Variants in AUTS2 observed in about 807,000 individuals in gnomAD.
The protein encoded by AUTS2 is autism susceptibility gene 2 protein.
In AUTS2, 17 loss-of-function variants were observed where a neutral mutation model predicts 112.4. The ratio of observed to expected loss-of-function variants is 0.15; its 90% CI spans 0.10 to 0.23. The LOEUF (loss-of-function observed/expected upper bound fraction) is 0.23, where lower values mean the gene tolerates loss of function less well. Among genes scored for constraint, AUTS2 ranks in the 10% least tolerant of loss-of-function variants. AUTS2 has a pLI of 1.00. For synonymous variants in AUTS2, 751 were observed against 702.7 expected (o/e 1.07, Z -1.09); for missense variants, 1,510 against 1,701.6 (o/e 0.89, Z 1.98).
At chr7:70,386,793 A>G (rs1395157976) in intron 4 of AUTS2, among the ~76,000 whole-genome samples, 1 of 152,114 alleles carries the variant, frequency 6.6e-6, no homozygotes, top group Admixed American at 6.5e-5. Flanking sequence ...CCTCTCTCTC[A>G]TCATTTCACC....
intron 5 of AUTS2, among the ~76,000 whole-genome samples, chr7:70,497,464 A>G (rs1798603567): frequency 1.3e-5 from 2 of 152,200 alleles, no homozygotes; most frequent in African/African-American, 4.8e-5. Context: ...ACGTGTAACC[A>G]TGGTTAGACT....
intron 4 of AUTS2, among the ~76,000 whole-genome samples, chr7:70,203,336 G>A (rs1376907749): frequency 9.3e-5 from 4 of 42,960 alleles, no homozygotes; most frequent in South Asian, 1.7e-3. Context: ...CTAAAACTTA[G>A]AGTATAATAA....
Position 70,790,682 on chromosome 7 carries a change from C to T in AUTS2, c.3466C>T (p.His1156Tyr). ...GGHLDERERL[H>Y]MLREDYEHTR... is the part of the protein sequence containing the mutation. ...CCACCTGGACGAGCGGGAGCGCTTG[C>T]ACATGCTCAGAGAAGACTACGAGCA... The change falls in exon 19 of 19, where the codon CAC (histidine) becomes TAC (tyrosine). Residue 1156 changes from histidine (H) to tyrosine (Y), a missense_variant. Transcript: ENST00000342771. This position sits in a 1 kb window ranked among gnomAD's most constrained non-coding sequence, Gnocchi z 7.6. The T allele has an allele frequency of 6.2e-7, 1 of 1,613,714 alleles. No individual in the cohort carries two copies. Among genetic ancestry groups the T allele is most frequent in the Non-Finnish European group, 8.5e-7 (1 of 1,179,968 alleles).
chr7:70,055,201 G>A (rs1190284985), intron 2 of AUTS2, among the ~76,000 whole-genome samples: 1 of 152,106 alleles, frequency 6.6e-6, no homozygotes, highest in Non-Finnish European at 1.5e-5. Context: ...TTGGGAGGCC[G>A]AGGCGGGTGG....
chr7:70,357,025 T>C (rs1792042344), intron 4 of AUTS2, among the ~76,000 whole-genome samples: 1 of 152,098 alleles, frequency 6.6e-6, no homozygotes, highest in South Asian at 2.1e-4. Context: ...GGAGACACAT[T>C]GTGTGTGGGA....
At chr7:69,928,514 C>CCTGTG (rs1285150495) in intron 2 of AUTS2, among the ~76,000 whole-genome samples, 2 of 152,238 alleles carry the variant, frequency 1.3e-5, no homozygotes, top group Non-Finnish European at 2.9e-5. Context: ...CAGCCTCCCT[C>CCTGTG]CTGTGCTTAC....
chr7:70,576,253 G>A (rs1332099103), intron 5 of AUTS2, among the ~76,000 whole-genome samples: 1 of 152,092 alleles, frequency 6.6e-6, no homozygotes, highest in African/African-American at 2.4e-5. Context: ...AGACCCATCT[G>A]AGTGGCCCAC....
intron 2 of AUTS2, among the ~76,000 whole-genome samples, chr7:70,097,445 A>G (rs947878321): frequency 1.1e-4 from 17 of 152,336 alleles, no homozygotes; most frequent in Admixed American, 4.6e-4. Flanking sequence ...GTGTATGCAT[A>G]TGTATAAAAT....
At chr7:70,555,570 G>A (rs1272720242) in intron 5 of AUTS2, among the ~76,000 whole-genome samples, 1 of 152,192 alleles carries the variant, frequency 6.6e-6, no homozygotes, top group Non-Finnish European at 1.5e-5. Flanking sequence ...CTGAGAGTTT[G>A]CAGAGTGGCC....
intron 1 of AUTS2, among the ~76,000 whole-genome samples, chr7:69,698,628 C>T: frequency 6.6e-6 from 1 of 152,148 alleles, no homozygotes; most frequent in Non-Finnish European, 1.5e-5. Flanking sequence ...TCACAGTGCA[C>T]ACAGCCTTAG....
At chr7:70,469,975 G>A (rs1170912332) in intron 5 of AUTS2, among the ~76,000 whole-genome samples, 1 of 145,796 alleles carries the variant, frequency 6.9e-6, no homozygotes, top group Non-Finnish European at 1.5e-5. Context: ...CTGGAGATAA[G>A]CTTAGCACAG....
At chr7:70,333,082 T>A (rs1790832181) in intron 4 of AUTS2, among the ~76,000 whole-genome samples, 1 of 152,102 alleles carries the variant, frequency 6.6e-6, no homozygotes, top group Non-Finnish European at 1.5e-5. Flanking sequence ...AGAGCTACTA[T>A]CCAGAATCTA....
At chr7:70,370,801 G>C (rs544496219) in intron 4 of AUTS2, among the ~76,000 whole-genome samples, 1 of 151,674 alleles carries the variant, frequency 6.6e-6, no homozygotes, top group South Asian at 2.1e-4. Flanking sequence ...CAGTGTATGA[G>C]TGTTCTAGTT....
chr7:70,773,297 G>T (rs951417099), intron 11 of AUTS2, among the ~76,000 whole-genome samples: 46 of 152,116 alleles, frequency 3.0e-4, no homozygotes, highest in Admixed American at 2.7e-3. Context: ...AGCTGGTGTC[G>T]TGTCCTGAAT....
At chr7:70,775,472 G>A (rs1386292600) in intron 13 of AUTS2, 86 bp downstream of exon 13, 10 of 1,090,492 alleles carry the variant, frequency 9.2e-6, no homozygotes, top group African/African-American at 1.6e-5. Flanking sequence ...AAGGAAATAA[G>A]CCATAGAAAT....
At chr7:70,784,225 A>G (rs1791279932) in intron 15 of AUTS2, 1 of 152,162 alleles carries the variant, frequency 6.6e-6, no homozygotes, top group Non-Finnish European at 1.5e-5. Context: ...TGAGCTCACA[A>G]TAATGAGTTT....
chr7:69,839,694 G>A (rs577872065), intron 1 of AUTS2, among the ~76,000 whole-genome samples: 1 of 152,230 alleles, frequency 6.6e-6, no homozygotes, highest in East Asian at 1.9e-4. Context: ...AGGAGTGGGG[G>A]TATTCAGGAA....
At chr7:69,692,448 G>T (rs997557303) in intron 1 of AUTS2, among the ~76,000 whole-genome samples, 7 of 152,214 alleles carry the variant, frequency 4.6e-5, no homozygotes, top group African/African-American at 1.2e-4. Context: ...AGAAATGGAT[G>T]AATATGAGGT....
At chr7:70,535,044 A>C (rs935030246) in intron 5 of AUTS2, among the ~76,000 whole-genome samples, 16 of 152,110 alleles carry the variant, frequency 1.1e-4, no homozygotes, top group Non-Finnish European at 1.9e-4. Context: ...TAAAAAAAAA[A>C]AAAAAAAGAT....
Sources: allele counts gnomAD v4.1 joint callset (sites outside exome capture counted in the v4.1 genomes callset), GRCh38; gene constraint gnomAD v4.1.1; non-coding constraint Gnocchi (gnomAD v3.1); transcripts MANE v1.5; gene names NCBI Gene and HGNC (gene_info 2026-07-23, HGNC 2026-07-21).